The following ZMIZ1 variants were observed in gnomAD, a reference collection of about 807,000 sequenced individuals.
The protein encoded by ZMIZ1 is zinc finger MIZ-type containing 1, also known as zinc finger MIZ domain-containing protein 1.
In ZMIZ1, 17 loss-of-function variants were observed where a neutral mutation model predicts 113.9. That is an observed-to-expected ratio of 0.15 (90% confidence interval 0.10 to 0.22). The LOEUF is 0.22. Ranked by LOEUF, ZMIZ1 falls within the 10% of genes least tolerant of loss-of-function variation. The pLI, the probability that ZMIZ1 is intolerant of heterozygous loss-of-function variation, is 1.00. For missense variants in ZMIZ1, 1,059 were observed against 1,477.8 expected (o/e 0.72, Z 4.65); for synonymous variants, 607 against 603.1 (o/e 1.01, Z -0.09).
chr10:79,107,513 C>T (rs1322640968), intron 1 of ZMIZ1, among the ~76,000 whole-genome samples: 1 of 152,162 alleles, frequency 6.6e-6, no homozygotes, highest in African/African-American at 2.4e-5. Context: ...TGCTCACAGT[C>T]TGGTGAATGT....
At chr10:79,073,150 G>T (rs747234306) in intron 1 of ZMIZ1, among the ~76,000 whole-genome samples, 1 of 152,188 alleles carries the variant, frequency 6.6e-6, no homozygotes, top group Non-Finnish European at 1.5e-5. Flanking sequence ...CTTGCTATCT[G>T]TGTTGGGCCA....
At chr10:79,206,672 T>C (rs902004530) in intron 5 of ZMIZ1, among the ~76,000 whole-genome samples, 2 of 152,212 alleles carry the variant, frequency 1.3e-5, no homozygotes, top group Non-Finnish European at 2.9e-5. Flanking sequence ...CAGCTGTACT[T>C]CCAGGAGAGC....
intron 23 of ZMIZ1, among the ~76,000 whole-genome samples, chr10:79,309,515 C>T (rs1489418600): frequency 2.6e-5 from 4 of 152,190 alleles, no homozygotes; most frequent in Non-Finnish European, 5.9e-5. Flanking sequence ...CCAGCAGCAC[C>T]GTTGCGAGGT....
intron 6 of ZMIZ1, among the ~76,000 whole-genome samples, chr10:79,213,570 C>T (rs1848605610): frequency 6.6e-6 from 1 of 152,228 alleles, no homozygotes; most frequent in African/African-American, 2.4e-5. Flanking sequence ...GCCCCTCTAG[C>T]TCAAGTTAGC....
Position 79,100,436 on chromosome 10 carries a change from T to TG in ZMIZ1, c.-336-18478dup, listed in dbSNP as rs1363398071. 1.1e-3 allele frequency among the ~76,000 whole-genome samples: 135 copies of TG among 125,464 alleles called. 3 individuals carry two copies. Among genetic ancestry groups the TG allele is most frequent in the African/African-American group, 1.5e-3 (47 of 31,708 alleles). 82.3% of individuals were successfully genotyped at this position (125,464 alleles called of 152,430 possible). On this transcript the variant is annotated intron_variant, in intron 1 of 24. Coordinates refer to ENST00000334512, the MANE Select transcript of ZMIZ1 (RefSeq NM_020338.4). ...TCCTGGGCAACATAGACACCATCTC[T>TG]GAAAAAAAAAAAAAAAAAAGAGGGC...
At chr10:79,271,904 C>T (rs771876552) in intron 7 of ZMIZ1, among the ~76,000 whole-genome samples, 1 of 152,136 alleles carries the variant, frequency 6.6e-6, no homozygotes, top group East Asian at 1.9e-4. Flanking sequence ...GCACACACGG[C>T]GCTGAGAGGC....
chr10:79,262,915 T>C (rs1564562435), intron 7 of ZMIZ1, among the ~76,000 whole-genome samples: 3 of 152,156 alleles, frequency 2.0e-5, no homozygotes, highest in Non-Finnish European at 4.4e-5. Flanking sequence ...CTGTCAAGCC[T>C]CCATACTCTG....
At chr10:79,138,037 C>T (rs1219292565) in intron 2 of ZMIZ1, among the ~76,000 whole-genome samples, 1 of 152,232 alleles carries the variant, frequency 6.6e-6, no homozygotes, top group Non-Finnish European at 1.5e-5. Context: ...CACCTCCTGA[C>T]ACCCACATCC....
chr10:79,233,214 G>A (rs1259080865), intron 7 of ZMIZ1, among the ~76,000 whole-genome samples: 2 of 152,234 alleles, frequency 1.3e-5, no homozygotes, highest in Non-Finnish European at 2.9e-5. Flanking sequence ...TCAGAATACT[G>A]CCTGCATCCT....
intron 4 of ZMIZ1, among the ~76,000 whole-genome samples, chr10:79,188,095 G>C (rs1411214480): frequency 1.3e-5 from 2 of 152,198 alleles, no homozygotes; most frequent in Non-Finnish European, 2.9e-5. Flanking sequence ...TACCAAATAT[G>C]CTGCCTGACG....
chr10:79,291,365 C>A (rs1853484011), intron 10 of ZMIZ1, among the ~76,000 whole-genome samples, 189 bp downstream of exon 10: 1 of 152,260 alleles, frequency 6.6e-6, no homozygotes, highest in African/African-American at 2.4e-5. Context: ...GGCGCTGCAG[C>A]AGTTGGCCTG....
rs1047606086 is a variant in ZMIZ1 at position 79,217,424 on chromosome 10, C to CA, written c.280+1159dup. The stretch of plus-strand genomic sequence containing the variant: ...TGGGTGACAGAGGGAGACTCCGTCT[C>CA]AAAAAAAAAGAAAGAAAGAAATACA... On this transcript the variant is annotated intron_variant, in intron 7 of 24. Transcript: ENST00000334512. Among the ~76,000 whole-genome samples, 7 of 148,678 alleles carry CA rather than the reference C, an allele frequency of 4.7e-5. No homozygotes were observed. In the South Asian group the frequency reaches 6.3e-4, roughly 13 times the overall value.
intron 7 of ZMIZ1, among the ~76,000 whole-genome samples, chr10:79,267,844 C>G (rs1851697645): frequency 6.6e-6 from 1 of 152,190 alleles, no homozygotes; most frequent in Admixed American, 6.5e-5. Flanking sequence ...AGTGTCTGTC[C>G]ATTTTAGAGA....
At chr10:79,145,999 C>T (rs763128470) in intron 3 of ZMIZ1, among the ~76,000 whole-genome samples, 2 of 152,222 alleles carry the variant, frequency 1.3e-5, no homozygotes, top group Non-Finnish European at 2.9e-5. Context: ...TGAGCTGCCA[C>T]ACCCAGCCCA....
chr10:79,101,136 T>A (rs1008203250), intron 1 of ZMIZ1, among the ~76,000 whole-genome samples: 3 of 152,112 alleles, frequency 2.0e-5, no homozygotes, highest in Non-Finnish European at 4.4e-5. Flanking sequence ...AGCTCTCCCC[T>A]TGATGAGTAA....
At chr10:79,170,720 C>T (rs951822015) in intron 4 of ZMIZ1, among the ~76,000 whole-genome samples, 1 of 152,194 alleles carries the variant, frequency 6.6e-6, no homozygotes, top group Non-Finnish European at 1.5e-5. Context: ...TGCAGAATGA[C>T]CCCGCAGAGC....
chr10:79,205,829 A>C, intron 5 of ZMIZ1, among the ~76,000 whole-genome samples: 1 of 152,222 alleles, frequency 6.6e-6, no homozygotes, highest in Non-Finnish European at 1.5e-5. Context: ...GCTGCACAGT[A>C]GCCATCATTG....
intron 7 of ZMIZ1, among the ~76,000 whole-genome samples, chr10:79,246,747 G>A (rs1326052812): frequency 6.6e-6 from 1 of 152,188 alleles, no homozygotes; most frequent in African/African-American, 2.4e-5. Context: ...GCCTCACGAG[G>A]GAGCCTGCAA....
chr10:79,260,650 A>C (rs747829015), intron 7 of ZMIZ1, among the ~76,000 whole-genome samples: 3 of 152,196 alleles, frequency 2.0e-5, no homozygotes, highest in Admixed American at 6.5e-5. Context: ...TATATTTCTA[A>C]TTACTTCTTC....
Sources: allele counts gnomAD v4.1 joint callset (sites outside exome capture counted in the v4.1 genomes callset), GRCh38; gene constraint gnomAD v4.1.1; transcripts MANE v1.5; gene names NCBI Gene and HGNC (gene_info 2026-07-23, HGNC 2026-07-21).